COL3A1: variants seen among roughly 807,000 people sequenced by gnomAD.
The protein encoded by COL3A1 is collagen type III alpha 1 chain.
Under a neutral mutation model 200.9 loss-of-function variants are expected in COL3A1, and 46 were observed. The ratio of observed to expected loss-of-function variants is 0.23; its 90% CI spans 0.18 to 0.29. The LOEUF (loss-of-function observed/expected upper bound fraction) is 0.29. Among genes scored for constraint, COL3A1 ranks in the 10% least tolerant of loss-of-function variants. COL3A1 has a pLI of 1.00. For missense variants in COL3A1, 1,367 were observed against 1,917.6 expected (o/e 0.71, Z 5.36); for synonymous variants, 650 against 628.0 (o/e 1.03, Z -0.52).
rs192889832 is a variant in COL3A1, at chr2:188,996,307, C to T, written c.1663-91C>T. 74,952 of 808,048 alleles carry T rather than the reference C, an allele frequency of 0.093. 2,229 individuals carry two copies. Among genetic ancestry groups the T allele is most frequent in the Middle Eastern group, 0.14 (387 of 2,716 alleles). 50.1% of individuals were successfully genotyped at this position (808,048 alleles called of 1,614,324 possible). A position where few individuals can be genotyped will look rare whatever the true frequency, so the allele number is the denominator to read the frequency against. ...ATGTATATGTATATCTATATATATACACACACACACACACACACACATACT... is the reference window on the plus strand; with the variant it reads ...ATGTATATGTATATCTATATATATATACACACACACACACACACACATACT... On this transcript the variant is annotated intron_variant, in intron 23 of 50. Coordinates refer to ENST00000304636, the MANE Select transcript of COL3A1 (RefSeq NM_000090.4).
Position 188,997,715 on chromosome 2 carries a change from A to G in COL3A1, c.1885A>G (p.Lys629Glu), listed in dbSNP as rs1466862530. 3.7e-6 allele frequency: 6 copies of G among 1,613,796 alleles called. No individual in the cohort carries two copies. Among genetic ancestry groups the G allele is most frequent in the Non-Finnish European group, 4.2e-6 (5 of 1,179,812 alleles). Residue 629 changes from lysine (K) to glutamate (E), a missense_variant, in exon 27 of 51, where the codon AAA (lysine) becomes GAA (glutamate). By Grantham distance (56) the Lys-to-Glu change is moderately conservative. This residue lies in a region of COL3A1 where 846 missense variants were observed against 1,147.9 expected (regional missense o/e 0.74). Coordinates refer to ENST00000304636, the MANE Select transcript of COL3A1 (RefSeq NM_000090.4). ...PPGPTGPGGD[K>E]GDTGPPGPQG... ...ACTTTTCTAGGGGCCTGGTGGTGAC[A>G]AAGGAGACACAGGACCCCCTGGTCC...
At chr2:188,976,687 TCA>T (rs1228047597) in intron 1 of COL3A1, among the ~76,000 whole-genome samples, 1 of 152,166 alleles carries the variant, frequency 6.6e-6, no homozygotes, top group Non-Finnish European at 1.5e-5. Context: ...TCTAGTTCAC[TCA>T]CAGGCATTTT....
chr2:189,008,376 A>G, intron 47 of COL3A1: 2 of 548,512 alleles, frequency 3.6e-6, no homozygotes, highest in Non-Finnish European at 6.5e-6. Context: ...TATCAGAATA[A>G]TGACATCTGC....
Position 189,006,367 on chromosome 2 carries a change from C to G in COL3A1, c.3116C>G (p.Ser1039Cys), listed in dbSNP as rs1159002378. ...CAGGGTGATCGTGGTGAAAATGGCTCTCCTGGTGCCCCTGGCGCTCCTGGT... is the reference window on the plus strand; with the variant it reads ...CAGGGTGATCGTGGTGAAAATGGCTGTCCTGGTGCCCCTGGCGCTCCTGGT... The part of the protein sequence containing the change: ...GGKGDRGENG[S>C]PGAPGAPGHP... Residue 1039 changes from serine (S) to cysteine (C), a missense_variant, in exon 43 of 51, where the codon TCT becomes TGT. Transcript: ENST00000304636. The G allele has an allele frequency of 6.2e-7, 1 of 1,614,164 alleles. No homozygotes were observed. Among genetic ancestry groups the G allele is most frequent in the Admixed American group, 1.7e-5 (1 of 60,028 alleles).
chr2:188,998,823 C>A, intron 29 of COL3A1, 105 bp downstream of exon 29: 2 of 1,012,388 alleles, frequency 2.0e-6, no homozygotes, highest in Non-Finnish European at 3.1e-6. Context: ...TTTAAAAGAG[C>A]ATCATTGCAA....
chr2:189,004,350 C>T lies in COL3A1; in HGVS notation c.2917C>T (p.Pro973Ser), dbSNP rs1559060895. Residue 973 changes from proline (P) to serine (S), a missense_variant, in exon 40 of 51, where the codon CCT (proline) becomes TCT (serine). By Grantham distance (74) the Pro-to-Ser change is moderately conservative. This residue lies in a region of COL3A1 where 846 missense variants were observed against 1,147.9 expected (regional missense o/e 0.74). Coordinates refer to ENST00000304636, the MANE Select transcript of COL3A1 (RefSeq NM_000090.4). ...GCCAGGTCCTAGGGGAAGCCCTGGC[C>T]CTCAGGGTGTCAAGGTGAGTATAGT... ...GMPGPRGSPG[P>S]QGVKGESGKP... 6.3e-7 allele frequency: 1 copy of T among 1,597,726 alleles called. No individual in the cohort carries two copies. The highest frequency in any genetic ancestry group is 8.5e-7 in the Non-Finnish European group (1 of 1,172,242).
chr2:188,988,275 T>C, intron 6 of COL3A1, 141 bp downstream of exon 6: 1 of 783,170 alleles, frequency 1.3e-6, no homozygotes, highest in Non-Finnish European at 2.2e-6. Context: ...GATTAAGGCT[T>C]CAAAGATGGA....
chr2:189,003,586 C>T, intron 37 of COL3A1, 122 bp downstream of exon 37: 2 of 1,323,512 alleles, frequency 1.5e-6, no homozygotes, highest in Non-Finnish European at 2.2e-6. Flanking sequence ...CTCATTCATA[C>T]ATGAGTTATA....
Position 189,010,712 on chromosome 2 carries a change from T to C in COL3A1, c.4076T>C (p.Leu1359Pro), listed in dbSNP as rs1300903719. 2 of 1,614,144 alleles carry C rather than the reference T, an allele frequency of 1.2e-6. No individual in the cohort carries two copies. The highest frequency in any genetic ancestry group is 1.7e-6 in the Non-Finnish European group (2 of 1,179,996). Residue 1359 changes from leucine (L) to proline (P), a missense_variant, in exon 50 of 51, where the codon CTT becomes CCT. By Grantham distance (98) the Leu-to-Pro change is moderately conservative (BLOSUM62 -3). Coordinates refer to ENST00000304636, the MANE Select transcript of COL3A1 (RefSeq NM_000090.4). ...VLDVHLAFLR[L>P]LSSRASQNIT... ...GATGTGCATCTGGCATTCCTTCGACTTCTCTCCAGCCGAGCTTCCCAGAAC... is the reference window on the plus strand; with the variant it reads ...GATGTGCATCTGGCATTCCTTCGACCTCTCTCCAGCCGAGCTTCCCAGAAC...
intron 44 of COL3A1, 58 bp from the exon 45 acceptor site, chr2:189,007,442 T>G (rs1018944511): frequency 5.4e-6 from 7 of 1,305,644 alleles, no homozygotes; most frequent in African/African-American, 1.5e-5. Flanking sequence ...TAAATTCTAT[T>G]TTATTTTTCC....
intron 34 of COL3A1, 114 bp from the exon 35 acceptor site, chr2:189,002,184 T>A: frequency 1.2e-6 from 1 of 868,318 alleles, no homozygotes. Flanking sequence ...TATTGGCTAC[T>A]CTGCACATTT....
At chr2:189,010,553 G>T (rs766085179) in intron 49 of COL3A1, 95 bp from the exon 50 acceptor site, 102 of 1,530,390 alleles carry the variant, frequency 6.7e-5, no homozygotes, top group Non-Finnish European at 8.8e-5. Context: ...TATATAAACA[G>T]CCCATATTAC....
In COL3A1 at chr2:188,996,294, ATC is replaced by A. The variant is rs1443002239; in HGVS notation, c.1663-102_1663-101del. 675 of 731,244 alleles carry A rather than the reference ATC, an allele frequency of 9.2e-4. No individual in the cohort carries two copies. In the African/African-American group the frequency reaches 0.014, roughly 15 times the overall value. The allele number at this position is 731,244 out of a possible 1,614,324, so 45.3% of individuals were successfully genotyped here. A position where few individuals can be genotyped will look rare whatever the true frequency, so the allele number is the denominator to read the frequency against. On this transcript the variant is annotated intron_variant, in intron 23 of 50. Transcript: ENST00000304636. ...TGTATATATATATATGTATATGTAT[ATC>A]TATATATATACACACACACACACAC...
chr2:189,008,278 A>T (rs1688641490), intron 47 of COL3A1, 136 bp downstream of exon 47: 2 of 775,922 alleles, frequency 2.6e-6, no homozygotes, highest in Admixed American at 2.0e-5. Flanking sequence ...CAATGACTTT[A>T]AGACATTCTC....
Position 189,007,490 on chromosome 2 carries a change from G to A in COL3A1, c.3256-10G>A. The A allele has an allele frequency of 6.2e-7, 1 of 1,607,282 alleles. No homozygotes were observed. Among genetic ancestry groups the A allele is most frequent in the Non-Finnish European group, 8.5e-7 (1 of 1,175,756 alleles). Reference sequence around the variant, plus strand: ...TGTATATGACTTCAATTCAAAATATGTTTCTAAAGGGTCCTCAAGGCCCAC... The same window carrying A: ...TGTATATGACTTCAATTCAAAATATATTTCTAAAGGGTCCTCAAGGCCCAC... On this transcript the variant is annotated splice_polypyrimidine_tract_variant and intron_variant, in intron 44 of 50. Coordinates refer to ENST00000304636, the MANE Select transcript of COL3A1 (RefSeq NM_000090.4).
In COL3A1 at chr2:189,006,901, C is replaced by T. The variant is rs10194304; in HGVS notation, c.3202-36C>T. On this transcript the variant is annotated intron_variant, in intron 43 of 50. Transcript: ENST00000304636. ...TTGTGTCAACACATAAAACTAGTTC[C>T]GTGTATGTCTTCTCAATTGAATGTT... The T allele has an allele frequency of 0.036, 57,340 of 1,605,714 alleles. 2,690 individuals are homozygous for T. Among genetic ancestry groups the T allele is most frequent in the African/African-American group, 0.24 (17,834 of 74,602 alleles).
At chr2:188,999,261 G>T (rs1352111414) in intron 29 of COL3A1, 24 bp from the exon 30 acceptor site, 1 of 1,547,134 alleles carries the variant, frequency 6.5e-7, no homozygotes, top group Middle Eastern at 1.8e-4. Flanking sequence ...GTCTAATATG[G>T]TTATTTACAT....
At chr2:188,997,673 A>G in intron 26 of COL3A1, 27 bp from the exon 27 acceptor site, 1 of 1,605,472 alleles carries the variant, frequency 6.2e-7, no homozygotes, top group Non-Finnish European at 8.5e-7. Context: ...GATGTTTACA[A>G]CAGAGTGTAT....
chr2:188,993,877 C>A lies in COL3A1; in HGVS notation c.1150-161C>A, dbSNP rs1008472200. On this transcript the variant is annotated intron_variant, in intron 16 of 50. Coordinates refer to ENST00000304636, the MANE Select transcript of COL3A1 (RefSeq NM_000090.4). Reference sequence around the variant, plus strand: ...CTAATTTATTTAGATAATGATGATTCTTTTGACCACATTTCATATGTTGTG... The same window carrying A: ...CTAATTTATTTAGATAATGATGATTATTTTGACCACATTTCATATGTTGTG... Among the ~76,000 whole-genome samples, 4 of 152,120 alleles carry A rather than the reference C, an allele frequency of 2.6e-5. 1 individual carries two copies. In the South Asian group the frequency reaches 8.3e-4, roughly 32 times the overall value.
Sources: gnomAD v4.1 joint callset for allele counts (sites outside exome capture counted in the v4.1 genomes callset) on GRCh38, gnomAD v4.1.1 for gene constraint, gnomAD v4.1.1 regional missense constraint, MANE v1.5 for transcripts, NCBI Gene and HGNC (gene_info 2026-07-23, HGNC 2026-07-21) for gene names.